Variants in BRCA1 observed in about 807,000 individuals in gnomAD.
BRCA1 encodes BRCA1 DNA repair associated.
BRCA1 carries 140 observed loss-of-function variants against 173.7 expected under a neutral mutation model. The observed-to-expected ratio is 0.81, with a 90% CI of 0.70 to 0.93. The LOEUF (loss-of-function observed/expected upper bound fraction) is 0.93. Ranked by LOEUF, BRCA1 falls within the 40% of genes least tolerant of loss-of-function variation. The pLI is 0.00. For missense variants in BRCA1, 1,983 were observed against 2,172.5 expected (o/e 0.91, Z 1.73); for synonymous variants, 662 against 756.0 (o/e 0.88, Z 2.04).
intron 2 of BRCA1, among the ~76,000 whole-genome samples, chr17:43,118,805 T>C (rs1221946370): frequency 4.0e-5 from 6 of 148,466 alleles, no homozygotes; most frequent in East Asian, 4.0e-4. Context: ...ACTCTGCTGC[T>C]CAGGCTGGAG....
intron 3 of BRCA1, among the ~76,000 whole-genome samples, chr17:43,115,293 G>A (rs1375152525): frequency 4.6e-5 from 7 of 152,128 alleles, no homozygotes; most frequent in Admixed American, 1.3e-4. Context: ...CACAAGGTCA[G>A]GAGTTCGAGA....
chr17:43,082,837 G>C, intron 11 of BRCA1: 1 of 488,380 alleles, frequency 2.0e-6, no homozygotes, highest in Non-Finnish European at 3.7e-6. Context: ...TCCTTTTGAA[G>C]TTGGTTATTT....
At position 43,052,042 on chromosome 17, in the gene BRCA1, G is replaced by A. The variant is rs186118010; in HGVS notation, c.5278-925C>T. Among the ~76,000 whole-genome samples the A allele has an allele frequency of 4.5e-4, 68 of 152,262 alleles. 1 individual carries two copies. The East Asian group carries it at 0.01, about 23-fold the overall frequency. ...CCTAAGCAGTTTTTAATCTAGAAGT[G>A]AAGCCAGGTTCTGCCTCTCCTCATT... is the stretch of plus-strand genomic sequence containing the variant. On this transcript the variant is annotated intron_variant, in intron 19 of 22. Coordinates refer to ENST00000357654, the MANE Select transcript of BRCA1 (RefSeq NM_007294.4).
At chr17:43,138,787 G>A (rs763761763) in intron 1 of BRCA1, 17 of 778,868 alleles carry the variant, frequency 2.2e-5, no homozygotes, top group South Asian at 2.1e-4. Context: ...GTAGCAGCAG[G>A]CGTGCAGGCT....
rs80357364 is a variant in BRCA1, at chr17:43,093,144, G to C, written c.2387C>G (p.Thr796Arg). ...CTGACTCACACATTTATTTGGTTCT[G>C]TTTTTGCCTTCCCTAGAGTGCTAAC... is the stretch of plus-strand genomic sequence containing the variant. Reference protein sequence around the residue: ...LEVSTLGKAKTEPNKCVSQCA... With the variant: ...LEVSTLGKAKREPNKCVSQCA... The change falls in exon 10 of 23, where the codon ACA becomes AGA. Residue 796 changes from threonine (T) to arginine (R), a missense_variant. Physicochemically the swap from Thr to Arg is moderately conservative, Grantham distance 71. Transcript: ENST00000357654. 1 of 1,613,508 alleles carries C rather than the reference G, an allele frequency of 6.2e-7. No individual in the cohort carries two copies. The highest frequency in any genetic ancestry group is 8.5e-7 in the Non-Finnish European group (1 of 1,179,826).
At chr17:43,096,832 T>C (rs971472229) in intron 8 of BRCA1, among the ~76,000 whole-genome samples, 2 of 152,226 alleles carry the variant, frequency 1.3e-5, no homozygotes, top group Non-Finnish European at 2.9e-5. Flanking sequence ...AGAGTTCTAC[T>C]GTTATCCTAA....
chr17:43,081,319 G>A (rs1358372566), intron 12 of BRCA1, among the ~76,000 whole-genome samples: 1 of 152,194 alleles, frequency 6.6e-6, no homozygotes, highest in Non-Finnish European at 1.5e-5. Flanking sequence ...CACTGCCATA[G>A]CAACAGAGTT....
In BRCA1 at chr17:43,093,914, C is replaced by T. The variant is rs372002119; in HGVS notation, c.1617G>A (p.Thr539=). 2.1e-5 allele frequency: 34 copies of T among 1,613,714 alleles called. No homozygotes were observed. Among genetic ancestry groups the T allele is most frequent in the African/African-American group, 5.3e-5 (4 of 74,876 alleles). ...PEMINQGTNQ[T]EQNGQVMNIT... is the part of the protein sequence containing the mutation. ...TATTCATCACTTGACCATTCTGCTC[C>T]GTTTGGTTAGTTCCCTGATTTATCA... Residue 539 remains threonine (T), a synonymous_variant, in exon 10 of 23, where the codon ACG becomes ACA. Coordinates refer to ENST00000357654, the MANE Select transcript of BRCA1 (RefSeq NM_007294.4).
At chr17:43,067,142 C>G in intron 16 of BRCA1, 1 of 165,954 alleles carries the variant, frequency 6.0e-6, no homozygotes, top group Non-Finnish European at 1.3e-5. Flanking sequence ...TAACCCAAAA[C>G]AAAAGGAGGT....
At chr17:43,084,496 A>G (rs1166997867) in intron 11 of BRCA1, among the ~76,000 whole-genome samples, 1 of 152,206 alleles carries the variant, frequency 6.6e-6, no homozygotes, top group East Asian at 1.9e-4. Context: ...AATCACTTTT[A>G]GAAGGAACAG....
intron 1 of BRCA1, among the ~76,000 whole-genome samples, chr17:43,146,337 C>T (rs188062220): frequency 9.4e-6 from 1 of 106,030 alleles, no homozygotes; most frequent in East Asian, 3.2e-4. Flanking sequence ...GAGATGGAGT[C>T]TCACTCTGTG....
intron 19 of BRCA1, among the ~76,000 whole-genome samples, chr17:43,053,760 G>A (rs1264590193): frequency 6.6e-6 from 1 of 151,740 alleles, no homozygotes; most frequent in Non-Finnish European, 1.5e-5. Flanking sequence ...ACTTGGGGTC[G>A]GGAGTTCAAG....
chr17:43,101,431 G>A (rs990913406), intron 6 of BRCA1, among the ~76,000 whole-genome samples: 1 of 151,988 alleles, frequency 6.6e-6, no homozygotes, highest in African/African-American at 2.4e-5. Flanking sequence ...TCTAGGACTC[G>A]AGATCCACCC....
At chr17:43,098,795 A>G (rs966559734) in intron 7 of BRCA1, among the ~76,000 whole-genome samples, 4 of 150,762 alleles carry the variant, frequency 2.7e-5, no homozygotes, top group Admixed American at 6.6e-5. Context: ...GGCACGAGCC[A>G]TCCTGCCCAG....
intron 1 of BRCA1, chr17:43,138,438 C>G (rs1439626549): frequency 1.7e-6 from 1 of 587,272 alleles, no homozygotes; most frequent in African/African-American, 1.9e-5. Flanking sequence ...TGACACCTCT[C>G]CAGGCCTCTG....
chr17:43,126,173 A>C (rs544240711), upstream of BRCA1, among the ~76,000 whole-genome samples: 14 of 152,206 alleles, frequency 9.2e-5, no homozygotes, highest in Non-Finnish European at 1.9e-4. Context: ...GCTCTGGCCC[A>C]TGTCTGCGCA....
At chr17:43,106,559 CAATTT>C in intron 3 of BRCA1, 26 bp from the exon 4 acceptor site, 3 of 1,493,602 alleles carry the variant, frequency 2.0e-6, no homozygotes, top group South Asian at 1.2e-5. Context: ...AAAGAAAGAA[CAATTT>C]AATTTACTTC....
intron 13 of BRCA1, among the ~76,000 whole-genome samples, chr17:43,074,924 AGAAAG>A (rs373851033): frequency 5.3e-5 from 8 of 150,076 alleles, no homozygotes; most frequent in African/African-American, 1.8e-4. Flanking sequence ...CTGTCAAGAA[AGAAAG>A]GAAAGGAAAG....
intron 14 of BRCA1, 86 bp from the exon 15 acceptor site, chr17:43,071,324 A>T: frequency 6.7e-7 from 1 of 1,488,498 alleles, no homozygotes. Flanking sequence ...TAAAAAGACC[A>T]ATAAAGTTAG....
Sources: allele counts gnomAD v4.1 joint callset (sites outside exome capture counted in the v4.1 genomes callset), GRCh38; gene constraint gnomAD v4.1.1; transcripts MANE v1.5; gene names NCBI Gene and HGNC (gene_info 2026-07-23, HGNC 2026-07-21).